ADGRL3: variants seen among roughly 807,000 people sequenced by gnomAD.
The protein encoded by ADGRL3 is calcium-independent alpha-latrotoxin receptor 3.
In ADGRL3, 62 loss-of-function variants were observed where a neutral mutation model predicts 153.5. That is an observed-to-expected ratio of 0.40 (90% CI 0.33 to 0.50). The LOEUF (loss-of-function observed/expected upper bound fraction) is 0.50, where lower values mean the gene tolerates loss of function less well. Among genes scored for constraint, ADGRL3 ranks in the 20% least tolerant of loss-of-function variants. The pLI is 0.47. For missense variants in ADGRL3, 1,641 were observed against 1,859.4 expected, an observed-to-expected ratio of 0.88 and a Z score of 2.16; for synonymous variants, 710 against 672.5, an observed-to-expected ratio of 1.06 and a Z score of -0.86.
chr4:61,977,916 C>T (rs1469364037), intron 17 of ADGRL3, among the ~76,000 whole-genome samples: 1 of 151,954 alleles, frequency 6.6e-6, no homozygotes, highest in Non-Finnish European at 1.5e-5. Flanking sequence ...GAGCATAGTG[C>T]CCAATAGGTT....
intron 1 of ADGRL3, among the ~76,000 whole-genome samples, chr4:61,219,725 A>G (rs931332383): frequency 2.0e-5 from 3 of 152,102 alleles, no homozygotes; most frequent in African/African-American, 7.2e-5. Flanking sequence ...CTAACTCATC[A>G]TTGCTCTTTG....
chr4:61,461,064 C>T (rs2097807998), intron 2 of ADGRL3, among the ~76,000 whole-genome samples: 1 of 152,012 alleles, frequency 6.6e-6, no homozygotes, highest in Admixed American at 6.6e-5. Flanking sequence ...AGTGAGACTA[C>T]ATCAAAAAAA....
chr4:61,467,972 T>C (rs1199810216), intron 2 of ADGRL3, among the ~76,000 whole-genome samples: 1 of 152,180 alleles, frequency 6.6e-6, no homozygotes, highest in Non-Finnish European at 1.5e-5. Flanking sequence ...TGTTGCTTTC[T>C]TTTATTTGTG....
chr4:61,293,327 A>G (rs995104974), intron 1 of ADGRL3, among the ~76,000 whole-genome samples: 2 of 152,186 alleles, frequency 1.3e-5, no homozygotes, highest in African/African-American at 4.8e-5. Flanking sequence ...TGCATAAAAC[A>G]TGATTTCTGC....
At chr4:61,206,103 T>G (rs758432601) in intron 1 of ADGRL3, among the ~76,000 whole-genome samples, 46 of 152,198 alleles carry the variant, frequency 3.0e-4, no homozygotes, top group Non-Finnish European at 3.7e-4. Context: ...GTTTCTATAT[T>G]TGCTCATAAT....
intron 1 of ADGRL3, among the ~76,000 whole-genome samples, chr4:61,214,298 C>T (rs1741586198): frequency 6.6e-6 from 1 of 152,168 alleles, no homozygotes; most frequent in African/African-American, 2.4e-5. Flanking sequence ...ATTGAGTCCA[C>T]CATGTGTCTA....
chr4:61,256,472 CA>C (rs1193291225), intron 1 of ADGRL3, among the ~76,000 whole-genome samples: 1 of 151,972 alleles, frequency 6.6e-6, no homozygotes, highest in Non-Finnish European at 1.5e-5. Context: ...AACAATAATA[CA>C]ATAATTATCC....
At chr4:61,664,102 C>T (rs974765087) in intron 5 of ADGRL3, among the ~76,000 whole-genome samples, 2 of 152,098 alleles carry the variant, frequency 1.3e-5, no homozygotes, top group African/African-American at 4.8e-5. Context: ...TGATCTATAC[C>T]TGCACAGTAT....
intron 25 of ADGRL3, among the ~76,000 whole-genome samples, chr4:62,061,898 A>C (rs897196697): frequency 1.3e-5 from 2 of 152,046 alleles, no homozygotes; most frequent in African/African-American, 4.8e-5. Flanking sequence ...GTTTGGAGCT[A>C]CTACAAATAA....
At chr4:61,295,694 C>T (rs766122627) in intron 1 of ADGRL3, among the ~76,000 whole-genome samples, 14 of 151,826 alleles carry the variant, frequency 9.2e-5, no homozygotes, top group Non-Finnish European at 1.2e-4. Flanking sequence ...GTGGCTCATA[C>T]CTGTAATCCC....
intron 2 of ADGRL3, among the ~76,000 whole-genome samples, chr4:61,405,455 T>C (rs2096982728): frequency 6.6e-6 from 1 of 151,954 alleles, no homozygotes; most frequent in Admixed American, 6.6e-5. Flanking sequence ...TAATTTGAGA[T>C]TTATGGCAAT....
intron 2 of ADGRL3, among the ~76,000 whole-genome samples, chr4:61,399,204 T>C (rs1476114707): frequency 6.6e-6 from 1 of 151,734 alleles, no homozygotes; most frequent in Non-Finnish European, 1.5e-5. Context: ...TGTCAGTTAA[T>C]ACTCAGATCT....
chr4:61,569,019 A>G (rs1048739590), intron 4 of ADGRL3, among the ~76,000 whole-genome samples: 3 of 152,156 alleles, frequency 2.0e-5, no homozygotes, highest in Non-Finnish European at 4.4e-5. Context: ...AATCTCATAT[A>G]GCAAGCATTA....
intron 2 of ADGRL3, among the ~76,000 whole-genome samples, chr4:61,453,216 G>T (rs2097695333): frequency 6.6e-6 from 1 of 152,044 alleles, no homozygotes; most frequent in Non-Finnish European, 1.5e-5. Context: ...AGTTTTAAAG[G>T]ATTTAAGAAT....
intron 18 of ADGRL3, among the ~76,000 whole-genome samples, chr4:61,980,742 AG>A (rs2099065452): frequency 6.6e-6 from 1 of 152,074 alleles, no homozygotes; most frequent in South Asian, 2.1e-4. Context: ...TGCCTGGCCA[AG>A]GCTTCTCTTA....
chr4:61,257,838 T>G (rs1208020652), intron 1 of ADGRL3, among the ~76,000 whole-genome samples: 4 of 100,616 alleles, frequency 4.0e-5, no homozygotes, highest in Admixed American at 9.2e-5. Context: ...GAATTAGAGG[T>G]GTGTGTGTGT....
chr4:61,973,994 G>A (rs1189561668), intron 17 of ADGRL3, among the ~76,000 whole-genome samples: 1 of 152,020 alleles, frequency 6.6e-6, no homozygotes, highest in African/African-American at 2.4e-5. Flanking sequence ...CCCAGACAAG[G>A]TCTGGGTCTG....
At chr4:61,330,417 T>C (rs2095548717) in intron 1 of ADGRL3, among the ~76,000 whole-genome samples, 1 of 152,102 alleles carries the variant, frequency 6.6e-6, no homozygotes, top group South Asian at 2.1e-4. Flanking sequence ...ACAGCCATCT[T>C]CTCCTGCTCC....
chr4:61,502,551 A>G (rs1465929616), intron 3 of ADGRL3, among the ~76,000 whole-genome samples: 1 of 149,188 alleles, frequency 6.7e-6, no homozygotes, highest in East Asian at 2.0e-4. Context: ...CAGGGACTTT[A>G]CTGGTTAGCC....
Sources: allele counts gnomAD v4.1 joint callset (sites outside exome capture counted in the v4.1 genomes callset), GRCh38; gene constraint gnomAD v4.1.1; transcripts MANE v1.5; gene names NCBI Gene and HGNC (gene_info 2026-07-23, HGNC 2026-07-21).